Variants in CDC40 observed in about 807,000 individuals in gnomAD.
The protein encoded by CDC40 is cell division cycle 40.
Under a neutral mutation model 80.6 loss-of-function variants are expected in CDC40, and 27 were observed. That is an observed-to-expected ratio of 0.33 (90% CI 0.25 to 0.46). CDC40 has a LOEUF of 0.46. CDC40 is among the 20% of genes least tolerant of loss of function. The pLI is 1.00. For missense variants in CDC40, 486 were observed against 694.1 expected, an observed-to-expected ratio of 0.70 and a Z score of 3.37; for synonymous variants, 221 against 232.6, an observed-to-expected ratio of 0.95 and a Z score of 0.45.
intron 13 of CDC40, among the ~76,000 whole-genome samples, chr6:110,227,404 T>C (rs140393117): frequency 8.8e-4 from 134 of 152,328 alleles, no homozygotes; most frequent in African/African-American, 3.2e-3. Flanking sequence ...CTCTATCATT[T>C]TTATGAGAAG....
In CDC40 at chr6:110,229,359, A is replaced by G. The variant is rs528773696; in HGVS notation, c.1562+383A>G. Among the ~76,000 whole-genome samples, 98 of 152,182 alleles carry G rather than the reference A, an allele frequency of 6.4e-4. 2 individuals carry two copies. The highest frequency in any genetic ancestry group is 1.6e-4 in the Non-Finnish European group (11 of 68,008). Reference sequence around the variant, plus strand: ...AATTGTGTATTACAGTGTTGCAGTTACAGCTTCACTACAGCTTGTCTGTGC... The same window carrying G: ...AATTGTGTATTACAGTGTTGCAGTTGCAGCTTCACTACAGCTTGTCTGTGC... On this transcript the variant is annotated intron_variant, in intron 14 of 14. Transcript: ENST00000307731.
At chr6:110,217,556 T>C (rs1777716047) in intron 9 of CDC40, 146 bp from the exon 10 acceptor site, 1 of 593,070 alleles carries the variant, frequency 1.7e-6, no homozygotes, top group Non-Finnish European at 3.0e-6. Context: ...TCTAAGTCAG[T>C]AAATCAGGCG....
intron 1 of CDC40, among the ~76,000 whole-genome samples, chr6:110,182,773 C>G (rs1777216271): frequency 6.6e-6 from 1 of 152,204 alleles, no homozygotes; most frequent in African/African-American, 2.4e-5. Flanking sequence ...AGTTCAGATT[C>G]TCATCATTTC....
Position 110,228,956 on chromosome 6 carries a change from G to C in CDC40, c.1542G>C (p.Val514=). 6.2e-7 allele frequency: 1 copy of C among 1,602,976 alleles called. No homozygotes were observed. Among genetic ancestry groups the C allele is most frequent in the Non-Finnish European group, 8.5e-7 (1 of 1,176,642 alleles). Reference sequence around the variant, plus strand: ...TGGTAGCAGGCTATGCTTGTCAGGTGGACTTTTCACCAGACATGAGGTAAG... The same window carrying C: ...TGGTAGCAGGCTATGCTTGTCAGGTCGACTTTTCACCAGACATGAGGTAAG... ...GHMVAGYACQ[V]DFSPDMSYVI... is the part of the protein sequence containing the mutation. Residue 514 remains valine (V), a synonymous_variant, in exon 14 of 15, where the codon GTG becomes GTC. Coordinates refer to ENST00000307731, the MANE Select transcript of CDC40 (RefSeq NM_015891.3).
At chr6:110,204,909 T>A (rs991145217) in intron 3 of CDC40, among the ~76,000 whole-genome samples, 3 of 151,988 alleles carry the variant, frequency 2.0e-5, no homozygotes, top group Non-Finnish European at 2.9e-5. Flanking sequence ...TCAAGTAATC[T>A]GCCTTCCTTG....
chr6:110,217,862 G>A, intron 10 of CDC40, 59 bp downstream of exon 10: 1 of 881,084 alleles, frequency 1.1e-6, no homozygotes, highest in Non-Finnish European at 1.9e-6. Flanking sequence ...ATTTGAAATG[G>A]TGTGAGTAGT....
intron 2 of CDC40, among the ~76,000 whole-genome samples, chr6:110,196,191 A>G (rs1186962019): frequency 1.3e-5 from 2 of 152,208 alleles, no homozygotes; most frequent in African/African-American, 4.8e-5. Context: ...TTGAGTCCAG[A>G]TCACTCTTAA....
rs1428870863 is a variant in CDC40, at chr6:110,187,372, G to T, written c.190-5810G>T. On this transcript the variant is annotated intron_variant, in intron 1 of 14. Coordinates refer to ENST00000307731, the MANE Select transcript of CDC40 (RefSeq NM_015891.3). ...TCCCCCGAATGTATTCTTTGCCTTAGCATAGCCAACTAAAGTAAAATAAAA... is the reference window on the plus strand; with the variant it reads ...TCCCCCGAATGTATTCTTTGCCTTATCATAGCCAACTAAAGTAAAATAAAA... Among the ~76,000 whole-genome samples, 3 of 152,170 alleles carry T rather than the reference G, an allele frequency of 2.0e-5. No individual in the cohort carries two copies. The East Asian group carries it at 5.8e-4, about 29-fold the overall frequency.
intron 4 of CDC40, among the ~76,000 whole-genome samples, chr6:110,208,865 G>A (rs76257153): frequency 0.019 from 2,858 of 152,244 alleles, 86 homozygotes; most frequent in African/African-American, 0.066. Context: ...TTAGTTTTAA[G>A]TGTCTTTGCC....
At chr6:110,182,869 A>G (rs1370202335) in intron 1 of CDC40, among the ~76,000 whole-genome samples, 1 of 152,104 alleles carries the variant, frequency 6.6e-6, no homozygotes, top group African/African-American at 2.4e-5. Context: ...TTTTCTCCAC[A>G]GTGCACTTAG....
At chr6:110,201,517 CTTTCTTATTTTAT>C (rs1284250017) in intron 2 of CDC40, 28 bp from the exon 3 acceptor site, 1 of 1,489,892 alleles carries the variant, frequency 6.7e-7, no homozygotes, top group East Asian at 2.4e-5. Flanking sequence ...ACTTTTGTGT[CTTTCTTATTTTAT>C]TTTATTTTTT....
chr6:110,231,648 A>G lies in CDC40; in HGVS notation c.*1517A>G, dbSNP rs918227718. On this transcript the variant is annotated 3_prime_UTR_variant, in exon 15 of 15. Transcript: ENST00000307731. ...CTACCGTGCTGAAAAAGGTTGGTTG[A>G]TAGCAGCTTGGAGTGCTAACTGGAA... 5 of 152,212 alleles carry G rather than the reference A, an allele frequency of 3.3e-5. No individual in the cohort carries two copies. Among genetic ancestry groups the G allele is most frequent in the Admixed American group, 3.3e-4 (5 of 15,280 alleles). The allele number at this position is 152,212 out of a possible 1,614,324, so 9.4% of individuals were successfully genotyped here. A position where few individuals can be genotyped will look rare whatever the true frequency, so the allele number is the denominator to read the frequency against.
At chr6:110,220,019 A>G in intron 12 of CDC40, 150 bp downstream of exon 12, 1 of 699,888 alleles carries the variant, frequency 1.4e-6, no homozygotes, top group South Asian at 2.1e-5. Flanking sequence ...TAACTATTTA[A>G]GTACTGACAA....
chr6:110,186,093 A>G (rs1354488018), intron 1 of CDC40, among the ~76,000 whole-genome samples: 2 of 152,204 alleles, frequency 1.3e-5, no homozygotes, highest in African/African-American at 4.8e-5. Context: ...GGTATAATAC[A>G]TGCACTTACA....
chr6:110,225,063 C>CAA (rs1197687433), intron 12 of CDC40, among the ~76,000 whole-genome samples: 2 of 152,110 alleles, frequency 1.3e-5, no homozygotes, highest in African/African-American at 4.8e-5. Context: ...GATGTTATTC[C>CAA]CCAGGTTATA....
chr6:110,199,279 C>G lies in CDC40; in HGVS notation c.277-2279C>G, dbSNP rs371734886. Among the ~76,000 whole-genome samples the G allele has an allele frequency of 1.1e-4, 16 of 152,186 alleles. No individual in the cohort carries two copies. In the South Asian group the frequency reaches 2.9e-3, roughly 28 times the overall value. On this transcript the variant is annotated intron_variant, in intron 2 of 14. Transcript: ENST00000307731. ...GTATAGAAATCACAGTTCTTTTACACTGATAATTTTTCTTTAAAAAGTGGA... is the reference window on the plus strand; with the variant it reads ...GTATAGAAATCACAGTTCTTTTACAGTGATAATTTTTCTTTAAAAAGTGGA...
rs769922530 is a variant in CDC40, at chr6:110,212,278, C to G, written c.867+6C>G. ...TGTGGTCTGGACACACAAAGGTAAG[C>G]AAGTTGGTTGTTTCTGTTTGCTGTA... is the stretch of plus-strand genomic sequence containing the variant. On this transcript the variant is annotated splice_donor_region_variant and intron_variant, in intron 7 of 14. Transcript: ENST00000307731. 10 of 1,613,042 alleles carry G rather than the reference C, an allele frequency of 6.2e-6. No homozygotes were observed. The highest frequency in any genetic ancestry group is 8.5e-6 in the Non-Finnish European group (10 of 1,179,604).
In CDC40 at chr6:110,225,964, G is replaced by A. The variant is rs535989662; in HGVS notation, c.1341-203G>A. Among the ~76,000 whole-genome samples, 7 of 152,284 alleles carry A rather than the reference G, an allele frequency of 4.6e-5. No homozygotes were observed. In the South Asian group the frequency reaches 1.0e-3, roughly 23 times the overall value. ...CACTGTTATAATGATCATGGAAAGT[G>A]ATTTATGAAGTACAGGATTTACCAT... On this transcript the variant is annotated intron_variant, in intron 12 of 14. Coordinates refer to ENST00000307731, the MANE Select transcript of CDC40 (RefSeq NM_015891.3).
intron 12 of CDC40, among the ~76,000 whole-genome samples, chr6:110,225,372 C>T (rs1396335023): frequency 6.6e-6 from 1 of 151,282 alleles, no homozygotes; most frequent in African/African-American, 2.4e-5. Context: ...AATGAAAAGG[C>T]ACTTAGAACT....
Sources: gnomAD v4.1 joint callset for allele counts (sites outside exome capture counted in the v4.1 genomes callset) on GRCh38, gnomAD v4.1.1 for gene constraint, MANE v1.5 for transcripts, NCBI Gene and HGNC (gene_info 2026-07-23, HGNC 2026-07-21) for gene names.